SPRED3: variants seen among roughly 807,000 people sequenced by gnomAD.
The protein encoded by SPRED3 is sprouty-related, EVH1 domain-containing protein 3.
A neutral mutation model predicts 37.6 loss-of-function variants in SPRED3; 23 were observed. The ratio of observed to expected loss-of-function variants is 0.61; its 90% CI spans 0.44 to 0.87. The LOEUF is 0.87. SPRED3 is among the 40% of genes least tolerant of loss of function. The probability of loss-of-function intolerance (pLI) is 0.00; values close to 1 mark genes in which losing one functional copy is unlikely to be tolerated. For missense variants in SPRED3, 584 were observed against 618.6 expected (o/e 0.94, Z 0.59); for synonymous variants, 302 against 279.6 (o/e 1.08, Z -0.80).
intron 4 of SPRED3, among the ~76,000 whole-genome samples, chr19:38,393,654 T>C (rs111246621): frequency 2.6e-5 from 4 of 152,322 alleles, no homozygotes; most frequent in African/African-American, 9.6e-5. Flanking sequence ...TAGTTTACGG[T>C]CTATCTCCCA....
Position 38,398,583 on chromosome 19 carries a change from G to C in SPRED3, c.*2438G>C, listed in dbSNP as rs906885975. 6.6e-6 allele frequency: 1 copy of C among 152,188 alleles called. No homozygotes were observed. The highest frequency in any genetic ancestry group is 2.4e-5 in the African/African-American group (1 of 41,432). 9.4% of individuals were successfully genotyped at this position (152,188 alleles called of 1,614,324 possible). Reference sequence around the variant, plus strand: ...GTTGCTTCAGGAAGTTTGAAAGCCTGTTTCATGGCCCACTGAGTCTCTTCT... The same window carrying C: ...GTTGCTTCAGGAAGTTTGAAAGCCTCTTTCATGGCCCACTGAGTCTCTTCT... On this transcript the variant is annotated 3_prime_UTR_variant, in exon 6 of 6. Transcript: ENST00000691638.
At chr19:38,391,688 G>A (rs1364416785) in intron 2 of SPRED3, among the ~76,000 whole-genome samples, 1 of 152,092 alleles carries the variant, frequency 6.6e-6, no homozygotes, top group East Asian at 1.9e-4. Flanking sequence ...ACTTGAGACT[G>A]GGAGGTTGAT....
chr19:38,395,602 GC>G lies in SPRED3; in HGVS notation c.694del (p.Leu232SerfsTer16). On this transcript the variant is annotated frameshift_variant, in exon 6 of 6. Coordinates refer to ENST00000691638, the MANE Select transcript of SPRED3 (RefSeq NM_001394336.1). LOFTEE classifies it high-confidence loss of function. This position sits in a 1 kb window ranked among gnomAD's most constrained non-coding sequence, Gnocchi z 5.2. ...ATTACCGGCGCTCCGGGCCACCCGC[GC>G]CCCTCGCCCTGTCCACCTGCGTCGT... Reference protein sequence around the residue: ...EDYRRSGPPAPLALSTCVVRF... With the variant: ...EDYRRSGPPAXLALSTCVVRF... The G allele has an allele frequency of 6.5e-7, 1 of 1,549,682 alleles. No homozygotes were observed. The highest frequency in any genetic ancestry group is 8.7e-7 in the Non-Finnish European group (1 of 1,153,500).
chr19:38,396,365 G>A lies in SPRED3; in HGVS notation c.*220G>A, dbSNP rs1450375743. ...GGTGTCTGTCTAAGAAGTCCCAGGC[G>A]TCCTGAGTTCTGGCGTTCCCCCACC... On this transcript the variant is annotated 3_prime_UTR_variant, in exon 6 of 6. Transcript: ENST00000691638. 11 of 342,746 alleles carry A rather than the reference G, an allele frequency of 3.2e-5. No homozygotes were observed. In the East Asian group the frequency reaches 4.5e-4, roughly 14 times the overall value. 21.2% of individuals were successfully genotyped at this position (342,746 alleles called of 1,614,324 possible).
intron 4 of SPRED3, 44 bp from the exon 5 acceptor site, chr19:38,394,599 G>A: frequency 6.4e-6 from 10 of 1,563,304 alleles, no homozygotes; most frequent in Non-Finnish European, 7.8e-6. Context: ...GGCATCGGCT[G>A]TGCGGGGGCG....
In SPRED3 at chr19:38,396,401, A is replaced by T. The variant is rs1023643854; in HGVS notation, c.*256A>T. The T allele has an allele frequency of 1.6e-5, 4 of 256,710 alleles. No homozygotes were observed. Among genetic ancestry groups the T allele is most frequent in the African/African-American group, 3.1e-5 (1 of 31,766 alleles). The allele number at this position is 256,710 out of a possible 1,614,324, so 15.9% of individuals were successfully genotyped here. ...TGGCGTTCCCCCACCCCCACACCCC[A>T]CGAGGAGGCTCCAGGCGTCCCCATA... On this transcript the variant is annotated 3_prime_UTR_variant, in exon 6 of 6. Coordinates refer to ENST00000691638, the MANE Select transcript of SPRED3 (RefSeq NM_001394336.1).
chr19:38,392,369 T>C (rs1473770934), intron 4 of SPRED3, 81 bp downstream of exon 4: 1 of 1,404,756 alleles, frequency 7.1e-7, no homozygotes, highest in Admixed American at 2.9e-5. Context: ...GCACCTACTG[T>C]GTAGCAGGCA....
At position 38,391,340 on chromosome 19, in the gene SPRED3, AAGAG is replaced by A. The variant is rs1555746044; in HGVS notation, c.178-598_178-595del. Among the ~76,000 whole-genome samples the A allele has an allele frequency of 6.9e-3, 1,038 of 150,430 alleles. 16 individuals are homozygous for A. The highest frequency in any genetic ancestry group is 0.018 in the African/African-American group (750 of 40,860). ...GCTCATCTGGAAAAAAAAAAAAAAAAAGAGAGAGAGAATATTTTTTGGGTAAAGT... is the reference window on the plus strand; with the variant it reads ...GCTCATCTGGAAAAAAAAAAAAAAAAAGAGAGAATATTTTTTGGGTAAAGT... On this transcript the variant is annotated intron_variant, in intron 2 of 5. Coordinates refer to ENST00000691638, the MANE Select transcript of SPRED3 (RefSeq NM_001394336.1).
rs1970877967 is a variant in SPRED3, at chr19:38,395,007, G to A, written c.567+221G>A. ...GTGCGGGCCTCCCGAGTCTCCTTGC[G>A]CTCTTGGAGATTTTGAGGGGTTTCG... On this transcript the variant is annotated intron_variant, in intron 5 of 5. Transcript: ENST00000691638. The surrounding 1 kb of genome is among the most constrained non-coding windows in gnomAD (Gnocchi z 5.2). 6.6e-6 allele frequency among the ~76,000 whole-genome samples: 1 copy of A among 152,200 alleles called. No homozygotes were observed. Among genetic ancestry groups the A allele is most frequent in the Admixed American group, 6.5e-5 (1 of 15,284 alleles).
chr19:38,391,888 G>T, intron 2 of SPRED3, 58 bp from the exon 3 acceptor site: 1 of 1,592,802 alleles, frequency 6.3e-7, no homozygotes, highest in South Asian at 1.1e-5. Flanking sequence ...TGATGGACGA[G>T]ACGTCACAGG....
intron 4 of SPRED3, among the ~76,000 whole-genome samples, chr19:38,393,185 G>T (rs1174184669): frequency 1.3e-5 from 2 of 152,028 alleles, no homozygotes; most frequent in Non-Finnish European, 2.9e-5. Flanking sequence ...TTCTTTCAAG[G>T]CTTTATACAA....
intron 2 of SPRED3, 47 bp downstream of exon 2, chr19:38,390,526 A>G: frequency 1.9e-6 from 2 of 1,052,392 alleles, no homozygotes; most frequent in African/African-American, 1.7e-5. Context: ...CTGGGGAGGG[A>G]GGGGAGAGGG....
chr19:38,394,221 G>C lies in SPRED3; in HGVS notation c.424-422G>C. On this transcript the variant is annotated intron_variant, in intron 4 of 5. Transcript: ENST00000691638. Reference sequence around the variant, plus strand: ...ACTGCCCCAATAACAGTGTGGGGCTGGGAGTGAGAGAGGAAGGCAGCTGGC... The same window carrying C: ...ACTGCCCCAATAACAGTGTGGGGCTCGGAGTGAGAGAGGAAGGCAGCTGGC... 4 of 1,315,608 alleles carry C rather than the reference G, an allele frequency of 3.0e-6. No homozygotes were observed. In the South Asian group the frequency reaches 5.0e-5, roughly 17 times the overall value. The allele number at this position is 1,315,608 out of a possible 1,614,324, so 81.5% of individuals were successfully genotyped here. A position where few individuals can be genotyped will look rare whatever the true frequency, so the allele number is the denominator to read the frequency against.
intron 4 of SPRED3, chr19:38,392,746 C>T (rs535456966): frequency 6.7e-6 from 1 of 150,024 alleles, no homozygotes; most frequent in South Asian, 2.1e-4. Context: ...TTATGCGTCT[C>T]ATCTCATCTG....
Position 38,396,213 on chromosome 19 carries a change from G to A in SPRED3, c.*68G>A, listed in dbSNP as rs184143308. The A allele has an allele frequency of 1.3e-5, 15 of 1,150,096 alleles. No homozygotes were observed. The highest frequency in any genetic ancestry group is 3.4e-4 in the Middle Eastern group (1 of 2,980). 71.2% of individuals were successfully genotyped at this position (1,150,096 alleles called of 1,614,324 possible). Reference sequence around the variant, plus strand: ...TTGAGGGTCCAGGACCCCGGACTCCGTTCGGACCTAAAACCCAAACCTAGG... The same window carrying A: ...TTGAGGGTCCAGGACCCCGGACTCCATTCGGACCTAAAACCCAAACCTAGG... On this transcript the variant is annotated 3_prime_UTR_variant, in exon 6 of 6. Coordinates refer to ENST00000691638, the MANE Select transcript of SPRED3 (RefSeq NM_001394336.1).
chr19:38,394,850 C>A, intron 5 of SPRED3, 64 bp downstream of exon 5: 1 of 1,457,202 alleles, frequency 6.9e-7, no homozygotes, highest in South Asian at 1.4e-5. Context: ...CCGAAGGGAG[C>A]GGGAGCCATG....
chr19:38,394,296 T>C, intron 4 of SPRED3: 1 of 1,426,974 alleles, frequency 7.0e-7, no homozygotes, highest in Non-Finnish European at 9.4e-7. Flanking sequence ...TAGATGTTCC[T>C]CAGGTTTGGC....
chr19:38,394,570 G>T, intron 4 of SPRED3, 73 bp from the exon 5 acceptor site: 2 of 1,550,782 alleles, frequency 1.3e-6, no homozygotes, highest in Non-Finnish European at 8.7e-7. Context: ...CGCTCTCAAT[G>T]GGAGGGGGTC....
At position 38,399,468 on chromosome 19, in the gene SPRED3, A is replaced by G. The variant is rs1255174416; in HGVS notation, c.*3323A>G. The stretch of plus-strand genomic sequence containing the variant: ...GTTTCTAAGCCAGTCTGTGACCTCA[A>G]TATTGTTAGTGTCAGTGCAGGCTGA... On this transcript the variant is annotated 3_prime_UTR_variant, in exon 6 of 6. Transcript: ENST00000691638. 6.6e-6 allele frequency: 1 copy of G among 151,496 alleles called. No homozygotes were observed. Among genetic ancestry groups the G allele is most frequent in the African/African-American group, 2.4e-5 (1 of 41,180 alleles). 9.4% of individuals were successfully genotyped at this position (151,496 alleles called of 1,614,324 possible). A position where few individuals can be genotyped will look rare whatever the true frequency, so the allele number is the denominator to read the frequency against.
Sources: gnomAD v4.1 joint callset for allele counts (sites outside exome capture counted in the v4.1 genomes callset) on GRCh38, gnomAD v4.1.1 for gene constraint, Gnocchi (gnomAD v3.1) non-coding constraint, MANE v1.5 for transcripts, NCBI Gene and HGNC (gene_info 2026-07-23, HGNC 2026-07-21) for gene names.